The following PLCXD2 variants were observed in gnomAD, a reference collection of about 807,000 sequenced individuals.
PLCXD2 encodes the protein PI-PLC X domain-containing protein 2.
A neutral mutation model predicts 28.6 loss-of-function variants in PLCXD2; 21 were observed. The ratio of observed to expected loss-of-function variants is 0.73; its 90% CI spans 0.52 to 1.06. PLCXD2 has a LOEUF of 1.06. Among genes scored for constraint, PLCXD2 ranks in the 50% least tolerant of loss-of-function variants. The pLI is 0.00. For synonymous variants in PLCXD2, 140 were observed against 150.1 expected (o/e 0.93, Z 0.49); for missense variants, 369 against 376.7 (o/e 0.98, Z 0.17).
chr3:111,699,410 G>A (rs1353762840), intron 1 of PLCXD2, among the ~76,000 whole-genome samples: 2 of 152,134 alleles, frequency 1.3e-5, no homozygotes, highest in African/African-American at 4.8e-5. Flanking sequence ...ACTCCAATTT[G>A]CAAGAAATGG....
At chr3:111,696,749 C>T (rs376309049) in intron 1 of PLCXD2, among the ~76,000 whole-genome samples, 3 of 152,110 alleles carry the variant, frequency 2.0e-5, no homozygotes, top group African/African-American at 7.2e-5. Context: ...TACGATGGAC[C>T]GACCAGATGA....
At chr3:111,711,300 A>C (rs1374295726) in intron 2 of PLCXD2, among the ~76,000 whole-genome samples, 1 of 152,222 alleles carries the variant, frequency 6.6e-6, no homozygotes, top group African/African-American at 2.4e-5. Context: ...GCTACTCGGC[A>C]GGCAGAGACA....
At chr3:111,680,044 T>C (rs1048727144) in intron 1 of PLCXD2, among the ~76,000 whole-genome samples, 1 of 152,220 alleles carries the variant, frequency 6.6e-6, no homozygotes, top group African/African-American at 2.4e-5. Flanking sequence ...TTCTCTGATC[T>C]CATGTTGCTA....
intron 2 of PLCXD2, among the ~76,000 whole-genome samples, chr3:111,712,261 A>T (rs549295428): frequency 3.9e-5 from 6 of 152,216 alleles, no homozygotes; most frequent in Admixed American, 3.9e-4. Flanking sequence ...TCCAAGGCAG[A>T]GTAAAGAATG....
At chr3:111,706,941 C>A (rs769327260) in intron 1 of PLCXD2, among the ~76,000 whole-genome samples, 1 of 151,896 alleles carries the variant, frequency 6.6e-6, no homozygotes, top group South Asian at 2.1e-4. Context: ...ATTTATGAGG[C>A]AAATATTATT....
In PLCXD2 at chr3:111,708,221, C is replaced by T. The variant is rs757421234; in HGVS notation, c.459C>T (p.His153=). The T allele has an allele frequency of 1.2e-6, 2 of 1,613,984 alleles. No homozygotes were observed. Among genetic ancestry groups the T allele is most frequent in the Non-Finnish European group, 1.7e-6 (2 of 1,180,024 alleles). Reference sequence around the variant, plus strand: ...AAATTGACTCGTTTCTTACACAGCACCCCCAGGAGATTATCTTCCTGGATT... The same window carrying T: ...AAATTGACTCGTTTCTTACACAGCATCCCCAGGAGATTATCTTCCTGGATT... The change falls in exon 2 of 5, where the codon CAC becomes CAT. Residue 153 remains histidine (H), a synonymous_variant. Coordinates refer to ENST00000477665, the MANE Select transcript of PLCXD2 (RefSeq NM_001185106.1).
intron 1 of PLCXD2, among the ~76,000 whole-genome samples, chr3:111,689,489 G>A (rs1940843801): frequency 6.6e-6 from 1 of 152,214 alleles, no homozygotes; most frequent in South Asian, 2.1e-4. Flanking sequence ...TATAATTCCA[G>A]TCTTTGAACA....
rs535794325 is a variant in PLCXD2 at position 111,675,159 on chromosome 3, G to A, written c.-87G>A. On this transcript the variant is annotated 5_prime_UTR_variant, in exon 1 of 5. Coordinates refer to ENST00000477665, the MANE Select transcript of PLCXD2 (RefSeq NM_001185106.1). The stretch of plus-strand genomic sequence containing the variant: ...TGGAAAGACTGGCGTGGCAAGCGTC[G>A]CCCTGAAACGTCCACAGAGCCCAAG... The A allele has an allele frequency of 2.6e-5, 39 of 1,487,106 alleles. No individual in the cohort carries two copies. In the East Asian group the frequency reaches 8.3e-4, roughly 32 times the overall value. The allele number at this position is 1,487,106 out of a possible 1,614,324, so 92.1% of individuals were successfully genotyped here. A position where few individuals can be genotyped will look rare whatever the true frequency, so the allele number is the denominator to read the frequency against.
At position 111,707,924 on chromosome 3, in the gene PLCXD2, A is replaced by C. The variant is rs1941142382; in HGVS notation, c.164-2A>C. ...TTTCCTCACCTGTATTCCTTTGTAC[A>C]GGCTCACATGATTCATTCAGCTACT... is the stretch of plus-strand genomic sequence containing the variant. On this transcript the variant is annotated splice_acceptor_variant, in intron 1 of 4. Coordinates refer to ENST00000477665, the MANE Select transcript of PLCXD2 (RefSeq NM_001185106.1). LOFTEE classifies it high-confidence loss of function. 1 of 1,611,296 alleles carries C rather than the reference A, an allele frequency of 6.2e-7. No individual in the cohort carries two copies. The highest frequency in any genetic ancestry group is 8.5e-7 in the Non-Finnish European group (1 of 1,178,532).
intron 1 of PLCXD2, among the ~76,000 whole-genome samples, chr3:111,680,351 A>T (rs1013917656): frequency 2.6e-5 from 4 of 152,108 alleles, no homozygotes; most frequent in Non-Finnish European, 5.9e-5. Flanking sequence ...TACTTTGAGG[A>T]TAGTATGAAC....
Position 111,677,852 on chromosome 3 carries a change from G to GTAGA in PLCXD2, c.163+2447_163+2450dup, listed in dbSNP as rs1940648075. Among the ~76,000 whole-genome samples the GTAGA allele has an allele frequency of 2.0e-5, 3 of 152,122 alleles. No homozygotes were observed. In the South Asian group the frequency reaches 6.2e-4, roughly 32 times the overall value. ...AGTGATTATCACTTTGAATATATAGGTAGATACATACATATTATATGCACA... is the reference window on the plus strand; with the variant it reads ...AGTGATTATCACTTTGAATATATAGGTAGATAGATACATACATATTATATGCACA... On this transcript the variant is annotated intron_variant, in intron 1 of 4. Coordinates refer to ENST00000477665, the MANE Select transcript of PLCXD2 (RefSeq NM_001185106.1).
At chr3:111,698,712 G>A (rs1384787008) in intron 1 of PLCXD2, among the ~76,000 whole-genome samples, 1 of 152,174 alleles carries the variant, frequency 6.6e-6, no homozygotes, top group African/African-American at 2.4e-5. Flanking sequence ...GAGGCATTGA[G>A]AGGCAGGCCA....
Position 111,714,141 on chromosome 3 carries a change from T to C in PLCXD2, c.866+13T>C. ...CGCTGGTTCATAGGTAAGAATTTGC[T>C]TCCACCCCACAAGGAAAGCTTTTTA... is the stretch of plus-strand genomic sequence containing the variant. On this transcript the variant is annotated intron_variant, in intron 3 of 4. Coordinates refer to ENST00000477665, the MANE Select transcript of PLCXD2 (RefSeq NM_001185106.1). 6.2e-7 allele frequency: 1 copy of C among 1,610,366 alleles called. No homozygotes were observed. Among genetic ancestry groups the C allele is most frequent in the Non-Finnish European group, 8.5e-7 (1 of 1,177,956 alleles).
chr3:111,675,533 A>G, intron 1 of PLCXD2, 125 bp downstream of exon 1: 2 of 1,137,968 alleles, frequency 1.8e-6, no homozygotes, highest in South Asian at 2.6e-5. Context: ...TTATTTCCAA[A>G]CCAAAAACTT....
chr3:111,679,171 C>G (rs1242902606), intron 1 of PLCXD2, among the ~76,000 whole-genome samples: 1 of 152,138 alleles, frequency 6.6e-6, no homozygotes, highest in African/African-American at 2.4e-5. Context: ...ATTCCACCTT[C>G]TGAGAATTAG....
At chr3:111,683,530 A>G (rs1396920021) in intron 1 of PLCXD2, among the ~76,000 whole-genome samples, 5 of 152,170 alleles carry the variant, frequency 3.3e-5, no homozygotes, top group African/African-American at 9.7e-5. Context: ...GTTATTAGGG[A>G]TACTGTGGGT....
chr3:111,722,650 TC>T (rs1473024952), intron 3 of PLCXD2: 2 of 151,970 alleles, frequency 1.3e-5, no homozygotes, highest in Non-Finnish European at 2.9e-5. Flanking sequence ...AAACATGGAG[TC>T]CCGAATGGAT....
intron 1 of PLCXD2, among the ~76,000 whole-genome samples, chr3:111,697,611 A>G (rs1289450430): frequency 6.6e-6 from 1 of 152,156 alleles, no homozygotes; most frequent in Non-Finnish European, 1.5e-5. Flanking sequence ...GAAAACTGAT[A>G]GGGTTTTTTT....
Position 111,707,991 on chromosome 3 carries a change from G to A in PLCXD2, c.229G>A (p.Ala77Thr). 6.2e-7 allele frequency: 1 copy of A among 1,614,158 alleles called. No homozygotes were observed. The highest frequency in any genetic ancestry group is 8.5e-7 in the Non-Finnish European group (1 of 1,180,032). ...CCCAGTGGGGCCTGACCAAACCCAAGCTATCAAACGCCTCGCCAGGATCTC... is the reference window on the plus strand; with the variant it reads ...CCCAGTGGGGCCTGACCAAACCCAAACTATCAAACGCCTCGCCAGGATCTC... The change falls in exon 2 of 5, where the codon GCT (alanine) becomes ACT (threonine). Residue 77 changes from alanine to threonine, a missense_variant. By Grantham distance (58) the Ala-to-Thr change is moderately conservative. Coordinates refer to ENST00000477665, the MANE Select transcript of PLCXD2 (RefSeq NM_001185106.1).
Sources: allele counts gnomAD v4.1 joint callset (sites outside exome capture counted in the v4.1 genomes callset), GRCh38; gene constraint gnomAD v4.1.1; transcripts MANE v1.5; gene names NCBI Gene and HGNC (gene_info 2026-07-23, HGNC 2026-07-21).